Variants in SDK1 observed in about 807,000 individuals in gnomAD.
The protein encoded by SDK1 is protein sidekick-1.
Under a neutral mutation model 245.5 loss-of-function variants are expected in SDK1, and 157 were observed. The observed-to-expected ratio is 0.64, with a 90% CI of 0.56 to 0.73. SDK1 has a LOEUF of 0.73. SDK1 is among the 30% of genes least tolerant of loss of function. SDK1 has a pLI of 0.00. For synonymous variants in SDK1, 1,647 were observed against 1,278.5 expected, an observed-to-expected ratio of 1.29 and a Z score of -6.15; for missense variants, 3,583 against 3,002.3, an observed-to-expected ratio of 1.19 and a Z score of -4.52.
intron 1 of SDK1, among the ~76,000 whole-genome samples, chr7:3,487,812 C>G (rs1781748770): frequency 1.3e-5 from 2 of 149,716 alleles, no homozygotes; most frequent in South Asian, 4.3e-4. Context: ...CTCTCCAAAG[C>G]TCAGCCCAAC....
chr7:3,593,641 G>C (rs1032765892), intron 1 of SDK1, among the ~76,000 whole-genome samples: 4 of 152,134 alleles, frequency 2.6e-5, no homozygotes, highest in Non-Finnish European at 5.9e-5. Flanking sequence ...CTTTAAGAAT[G>C]TATATGCAAG....
At chr7:3,710,751 A>G (rs1785026121) in intron 4 of SDK1, among the ~76,000 whole-genome samples, 1 of 152,242 alleles carries the variant, frequency 6.6e-6, no homozygotes, top group African/African-American at 2.4e-5. Context: ...TAATGGGCCA[A>G]CAATCTTGGC....
chr7:3,584,626 A>G (rs1780620884), intron 1 of SDK1, among the ~76,000 whole-genome samples: 2 of 151,996 alleles, frequency 1.3e-5, no homozygotes. Context: ...TTCTGAGAGA[A>G]CTTTCCAGAG....
At chr7:3,714,642 A>C (rs1223223663) in intron 4 of SDK1, among the ~76,000 whole-genome samples, 2 of 152,222 alleles carry the variant, frequency 1.3e-5, no homozygotes, top group African/African-American at 4.8e-5. Flanking sequence ...ATGTCGTTTA[A>C]TACACTTTAT....
At chr7:3,632,993 T>G (rs1427650014) in intron 2 of SDK1, among the ~76,000 whole-genome samples, 1 of 152,192 alleles carries the variant, frequency 6.6e-6, no homozygotes, top group Admixed American at 6.5e-5. Context: ...AAACAATTAT[T>G]TATCATGCCA....
At chr7:3,623,419 T>A (rs551830481) in intron 2 of SDK1, among the ~76,000 whole-genome samples, 2 of 152,056 alleles carry the variant, frequency 1.3e-5, no homozygotes, top group East Asian at 3.9e-4. Context: ...TTTTTTATTA[T>A]TAGTAGAGAA....
intron 2 of SDK1, among the ~76,000 whole-genome samples, chr7:3,633,020 G>A (rs762684219): frequency 6.6e-6 from 1 of 152,056 alleles, no homozygotes; most frequent in Non-Finnish European, 1.5e-5. Flanking sequence ...AAAGAGAATT[G>A]ATGTATTTCC....
chr7:4,009,464 G>C (rs1386942825), intron 14 of SDK1, among the ~76,000 whole-genome samples: 1 of 152,192 alleles, frequency 6.6e-6, no homozygotes, highest in Admixed American at 6.5e-5. Flanking sequence ...AGAGTAAAAA[G>C]GGAAGTTGCT....
At chr7:3,821,408 C>A in intron 4 of SDK1, 42 bp from the exon 5 acceptor site, 1 of 1,580,472 alleles carries the variant, frequency 6.3e-7, no homozygotes, top group Non-Finnish European at 8.6e-7. Context: ...TAGGAAGTTC[C>A]CTGGAGTAGC....
chr7:3,925,305 A>C (rs907953017), intron 5 of SDK1, among the ~76,000 whole-genome samples: 1 of 152,202 alleles, frequency 6.6e-6, no homozygotes, highest in Non-Finnish European at 1.5e-5. Context: ...AAAAAGTAAA[A>C]AGAAGCGAGG....
chr7:3,844,784 C>T (rs369695811), intron 5 of SDK1, among the ~76,000 whole-genome samples: 21 of 152,306 alleles, frequency 1.4e-4, no homozygotes, highest in African/African-American at 5.1e-4. Context: ...CTGTGAGCCT[C>T]TCGTGCTGCT....
chr7:3,925,290 T>A (rs1779729968), intron 5 of SDK1, among the ~76,000 whole-genome samples: 1 of 152,194 alleles, frequency 6.6e-6, no homozygotes, highest in Admixed American at 6.5e-5. Context: ...CTTTGCCCTT[T>A]ATTTAAAAAG....
intron 1 of SDK1, among the ~76,000 whole-genome samples, chr7:3,494,864 G>C (rs1014680415): frequency 2.6e-5 from 4 of 152,194 alleles, no homozygotes; most frequent in African/African-American, 9.7e-5. Context: ...AGTGATGTGA[G>C]GATTTCTTTA....
intron 25 of SDK1, among the ~76,000 whole-genome samples, chr7:4,125,623 G>A (rs906092295): frequency 9.9e-5 from 15 of 152,184 alleles, no homozygotes; most frequent in Non-Finnish European, 1.9e-4. Context: ...TGCTGTTCTT[G>A]GAGCCCTAGT....
chr7:3,487,141 G>A (rs1583934024), intron 1 of SDK1, among the ~76,000 whole-genome samples: 2 of 152,260 alleles, frequency 1.3e-5, no homozygotes, highest in Middle Eastern at 3.4e-3. Flanking sequence ...AAAACATGTG[G>A]CAGGCTAGAA....
intron 20 of SDK1, among the ~76,000 whole-genome samples, chr7:4,074,671 G>A (rs1398095641): frequency 1.3e-5 from 2 of 151,688 alleles, no homozygotes; most frequent in Admixed American, 1.3e-4. Context: ...GACCAGCCTG[G>A]GCAACACAGT....
chr7:3,851,297 A>G (rs1183899180), intron 5 of SDK1, among the ~76,000 whole-genome samples: 2 of 152,220 alleles, frequency 1.3e-5, no homozygotes, highest in African/African-American at 2.4e-5. Context: ...ATTTGGCGTT[A>G]TTAACATTTT....
intron 1 of SDK1, among the ~76,000 whole-genome samples, chr7:3,528,885 G>T (rs778937339): frequency 5.9e-5 from 9 of 152,062 alleles, no homozygotes; most frequent in Non-Finnish European, 1.2e-4. Flanking sequence ...GGCTCTTCCT[G>T]ATCTCCTTCT....
intron 1 of SDK1, among the ~76,000 whole-genome samples, chr7:3,353,193 G>C (rs1465798816): frequency 6.6e-6 from 1 of 152,142 alleles, no homozygotes; most frequent in Non-Finnish European, 1.5e-5. Context: ...TAATGGCATG[G>C]AAAGATCCAA....
Sources: gnomAD v4.1 joint callset for allele counts (sites outside exome capture counted in the v4.1 genomes callset) on GRCh38, gnomAD v4.1.1 for gene constraint, MANE v1.5 for transcripts, NCBI Gene and HGNC (gene_info 2026-07-23, HGNC 2026-07-21) for gene names.